BCL2L14: variants seen among roughly 807,000 people sequenced by gnomAD.
The protein encoded by BCL2L14 is BCL2 like 14, also known as apoptosis facilitator Bcl-2-like protein 14.
In BCL2L14, 27 loss-of-function variants were observed where a neutral mutation model predicts 35.3. That is an observed-to-expected ratio of 0.76 (90% confidence interval 0.56 to 1.05). The LOEUF (loss-of-function observed/expected upper bound fraction) is 1.05, where lower values mean the gene tolerates loss of function less well. Among genes scored for constraint, BCL2L14 ranks in the 50% least tolerant of loss-of-function variants. BCL2L14 has a pLI of 0.00. For synonymous variants in BCL2L14, 139 were observed against 145.9 expected (o/e 0.95, Z 0.34); for missense variants, 377 against 382.6 (o/e 0.99, Z 0.12).
At chr12:12,087,492 GA>G in intron 3 of BCL2L14, 106 bp downstream of exon 3, 1 of 1,272,440 alleles carries the variant, frequency 7.9e-7, no homozygotes, top group East Asian at 2.4e-5. Context: ...CCGCTGCCTG[GA>G]CTGAGGGCTT....
chr12:12,098,791 T>C (rs1039878186), intron 5 of BCL2L14, among the ~76,000 whole-genome samples, 159 bp from the exon 6 acceptor site: 2 of 152,166 alleles, frequency 1.3e-5, no homozygotes, highest in Admixed American at 6.5e-5. Flanking sequence ...CTTGCAGGCA[T>C]ACCAAGAATG....
upstream of BCL2L14, among the ~76,000 whole-genome samples, chr12:12,066,746 C>T (rs1280254218): frequency 4.6e-5 from 7 of 151,256 alleles, no homozygotes; most frequent in South Asian, 4.2e-4. Flanking sequence ...GACAGAGTCT[C>T]GCTCTGTCGC....
At chr12:12,083,148 T>C (rs1948965218) in intron 2 of BCL2L14, among the ~76,000 whole-genome samples, 1 of 152,138 alleles carries the variant, frequency 6.6e-6, no homozygotes, top group African/African-American at 2.4e-5. Context: ...GTATTTTTAG[T>C]AGAGACAGGG....
At chr12:12,097,231 A>G (rs1949334901) in intron 5 of BCL2L14, among the ~76,000 whole-genome samples, 1 of 152,374 alleles carries the variant, frequency 6.6e-6, no homozygotes, top group East Asian at 1.9e-4. Context: ...ATTTTCATAC[A>G]AAAATTTGTA....
chr12:12,079,261 C>A (rs1224175452), intron 1 of BCL2L14, 38 bp from the exon 2 acceptor site: 1 of 1,559,726 alleles, frequency 6.4e-7, no homozygotes, highest in African/African-American at 1.4e-5. Context: ...GTAAGTGGCC[C>A]TGCATAGAAG....
chr12:12,053,664 C>T (rs181087822), intron 2 of BCL2L14, among the ~76,000 whole-genome samples: 3 of 152,338 alleles, frequency 2.0e-5, no homozygotes, highest in East Asian at 3.9e-4. Context: ...AGGTACCCGC[C>T]TTGGCCTCCC....
chr12:12,089,822 T>C (rs1949139357), intron 3 of BCL2L14, among the ~76,000 whole-genome samples: 1 of 152,218 alleles, frequency 6.6e-6, no homozygotes, highest in Admixed American at 6.5e-5. Flanking sequence ...TCCCACCTTA[T>C]TGTCAAGACC....
chr12:12,075,652 C>T (rs1800792690), intron 1 of BCL2L14, among the ~76,000 whole-genome samples: 3 of 150,830 alleles, frequency 2.0e-5, no homozygotes, highest in Non-Finnish European at 3.0e-5. Context: ...CTCAAACTCC[C>T]GACCTCTGGT....
At chr12:12,060,341 G>A (rs1053809565) in intron 2 of BCL2L14, among the ~76,000 whole-genome samples, 1 of 123,736 alleles carries the variant, frequency 8.1e-6, no homozygotes, top group Non-Finnish European at 1.7e-5. Context: ...CCAGTTCATG[G>A]CTCGTTCGGC....
At chr12:12,078,564 C>T (rs183816440) in intron 1 of BCL2L14, among the ~76,000 whole-genome samples, 66 of 152,346 alleles carry the variant, frequency 4.3e-4, no homozygotes, top group Non-Finnish European at 8.2e-4. Flanking sequence ...AAACTGCATA[C>T]GTATGCTGTC....
chr12:12,099,326 T>A lies in BCL2L14; in HGVS notation c.*338T>A, dbSNP rs146725411. ...CTGTAGGGAAAGTGCGTTACAGATG[T>A]CTGCTGACCTCACAAGAGTGAAAAG... On this transcript the variant is annotated 3_prime_UTR_variant, in exon 6 of 6. Transcript: ENST00000308721. 247 of 283,580 alleles carry A rather than the reference T, an allele frequency of 8.7e-4. 2 individuals carry two copies. Among genetic ancestry groups the A allele is most frequent in the Admixed American group, 2.2e-3 (43 of 19,776 alleles). The allele number at this position is 283,580 out of a possible 1,614,324, so 17.6% of individuals were successfully genotyped here.
At chr12:12,085,898 C>T (rs1472531209) in intron 2 of BCL2L14, among the ~76,000 whole-genome samples, 1 of 152,180 alleles carries the variant, frequency 6.6e-6, no homozygotes. Flanking sequence ...CTGTCCAAAA[C>T]GCCACTCCAT....
At chr12:12,057,275 CTTCT>C (rs1225304802) in intron 2 of BCL2L14, among the ~76,000 whole-genome samples, 5 of 152,194 alleles carry the variant, frequency 3.3e-5, no homozygotes, top group African/African-American at 1.2e-4. Context: ...TATATGTTAA[CTTCT>C]TTCTAAGGAG....
chr12:12,078,302 G>A (rs57669163), intron 1 of BCL2L14, among the ~76,000 whole-genome samples: 75 of 152,300 alleles, frequency 4.9e-4, no homozygotes, highest in African/African-American at 1.8e-3. Flanking sequence ...CTAAAGCAGA[G>A]GGTAGAGGGA....
chr12:12,060,064 C>T (rs1012478043), intron 2 of BCL2L14, among the ~76,000 whole-genome samples: 9 of 151,836 alleles, frequency 5.9e-5, no homozygotes, highest in Non-Finnish European at 1.3e-4. Context: ...TCTACAGACC[C>T]ATCTGACCTC....
exon 2 of BCL2L14, chr12:12,051,832 C>T (rs1167642639): frequency 6.6e-6 from 1 of 152,148 alleles, no homozygotes; most frequent in Non-Finnish European, 1.5e-5. Flanking sequence ...AGGTGATGGA[C>T]ACTAAAACAA....
At chr12:12,083,751 C>T (rs1186438307) in intron 2 of BCL2L14, among the ~76,000 whole-genome samples, 1 of 152,038 alleles carries the variant, frequency 6.6e-6, no homozygotes, top group Non-Finnish European at 1.5e-5. Context: ...TTGAGACCAG[C>T]CTGAGCAACA....
At chr12:12,068,024 C>T (rs1948614087), upstream of BCL2L14, 2 of 392,064 alleles carry the variant, frequency 5.1e-6, no homozygotes, top group Non-Finnish European at 9.0e-6. Flanking sequence ...CCTCAAGCCC[C>T]CGGCCCCCTG....
At chr12:12,089,651 TCG>T (rs1315859566) in intron 3 of BCL2L14, among the ~76,000 whole-genome samples, 1 of 152,122 alleles carries the variant, frequency 6.6e-6, no homozygotes, top group East Asian at 1.9e-4. Context: ...TGAGCCAAGA[TCG>T]TGCCACTGCA....
Sources: gnomAD v4.1 joint callset for allele counts (sites outside exome capture counted in the v4.1 genomes callset) on GRCh38, gnomAD v4.1.1 for gene constraint, MANE v1.5 for transcripts, NCBI Gene and HGNC (gene_info 2026-07-23, HGNC 2026-07-21) for gene names.